The following SYTL3 variants were observed in gnomAD, a reference collection of about 807,000 sequenced individuals.
The protein encoded by SYTL3 is synaptotagmin-like protein 3.
SYTL3 carries 88 observed loss-of-function variants against 82.1 expected under a neutral mutation model. The ratio of observed to expected loss-of-function variants is 1.07; its 90% CI spans 0.90 to 1.28. The LOEUF is 1.28. Ranked by LOEUF, SYTL3 falls within the 50% of genes most tolerant of loss-of-function variation. The pLI, the probability that SYTL3 is intolerant of heterozygous loss-of-function variation, is 0.00. For missense variants in SYTL3, 831 were observed against 757.6 expected, an observed-to-expected ratio of 1.10 and a Z score of -1.14; for synonymous variants, 311 against 289.4, an observed-to-expected ratio of 1.07 and a Z score of -0.76.
At chr6:158,731,847 C>T (rs1203640462) in intron 11 of SYTL3, among the ~76,000 whole-genome samples, 1 of 152,214 alleles carries the variant, frequency 6.6e-6, no homozygotes, top group Non-Finnish European at 1.5e-5. Flanking sequence ...CCCACCTTGG[C>T]CTTCCAAAGT....
At chr6:158,671,189 G>T (rs1777344508) in intron 5 of SYTL3, among the ~76,000 whole-genome samples, 1 of 152,128 alleles carries the variant, frequency 6.6e-6, no homozygotes, top group South Asian at 2.1e-4. Flanking sequence ...TTTACTAAAG[G>T]GAATGCTTTG....
chr6:158,661,715 G>A (rs926604675), intron 3 of SYTL3, among the ~76,000 whole-genome samples: 3 of 152,108 alleles, frequency 2.0e-5, no homozygotes, highest in African/African-American at 7.2e-5. Flanking sequence ...TATGGATATA[G>A]GCAAGAAACC....
chr6:158,678,762 A>G (rs929662762), intron 5 of SYTL3, among the ~76,000 whole-genome samples: 2 of 152,186 alleles, frequency 1.3e-5, no homozygotes, highest in African/African-American at 4.8e-5. Flanking sequence ...TCCTGATTCT[A>G]TAGCTTCGGC....
At chr6:158,707,080 G>A in intron 6 of SYTL3, 150 bp from the exon 7 acceptor site, 2 of 784,392 alleles carry the variant, frequency 2.5e-6, no homozygotes, top group Non-Finnish European at 4.1e-6. Flanking sequence ...CTCTAATTTT[G>A]GAACATTTCT....
chr6:158,692,726 A>AG (rs1780036687), intron 6 of SYTL3, among the ~76,000 whole-genome samples: 1 of 151,474 alleles, frequency 6.6e-6, no homozygotes, highest in Non-Finnish European at 1.5e-5. Context: ...TCACGAGATC[A>AG]GGAGATGGAG....
chr6:158,677,367 T>G (rs1257833624), intron 5 of SYTL3, among the ~76,000 whole-genome samples: 1 of 151,810 alleles, frequency 6.6e-6, no homozygotes, highest in Non-Finnish European at 1.5e-5. Context: ...TGAGAACACA[T>G]GGACACAGGA....
chr6:158,656,495 G>A (rs979385310), intron 2 of SYTL3, among the ~76,000 whole-genome samples: 5 of 152,186 alleles, frequency 3.3e-5, no homozygotes, highest in African/African-American at 4.8e-5. Context: ...GGAGGCTGAG[G>A]CGGGCAGATC....
rs1008427194 is a variant in SYTL3 at position 158,659,602 on chromosome 6, G to T, written c.-636-1667G>T. ...ACTCCTGACCTCAGTTGATCCGCCC[G>T]CCTCGGCCTCCCAGAGTGCTGGGAT... On this transcript the variant is annotated intron_variant, in intron 2 of 17. Transcript: ENST00000611299. Among the ~76,000 whole-genome samples, 3 of 152,138 alleles carry T rather than the reference G, an allele frequency of 2.0e-5. No individual in the cohort carries two copies. In the East Asian group the frequency reaches 5.8e-4, roughly 29 times the overall value.
intron 11 of SYTL3, among the ~76,000 whole-genome samples, chr6:158,728,308 T>C (rs1784978691): frequency 6.6e-6 from 1 of 151,492 alleles, no homozygotes; most frequent in Non-Finnish European, 1.5e-5. Flanking sequence ...TTTTTCCATA[T>C]GGATATTTAG....
intron 6 of SYTL3, among the ~76,000 whole-genome samples, chr6:158,701,719 A>G (rs1562394433): frequency 6.6e-6 from 1 of 151,926 alleles, no homozygotes; most frequent in Non-Finnish European, 1.5e-5. Flanking sequence ...CTGGGGCTGC[A>G]GTAACAGAGT....
intron 13 of SYTL3, 30 bp from the exon 14 acceptor site, chr6:158,757,181 C>T: frequency 1.3e-6 from 2 of 1,596,914 alleles, no homozygotes; most frequent in Non-Finnish European, 1.7e-6. Context: ...CCCGGGAGCC[C>T]AGCTGACCAT....
chr6:158,692,773 T>TAAAAAA (rs35173536), intron 6 of SYTL3, among the ~76,000 whole-genome samples: 1 of 121,694 alleles, frequency 8.2e-6, no homozygotes, highest in African/African-American at 2.9e-5. Flanking sequence ...CCGTCTCTAC[T>TAAAAAA]AAAAAAAAAA....
chr6:158,725,326 C>CGT (rs138428767), intron 10 of SYTL3, among the ~76,000 whole-genome samples, 177 bp from the exon 11 acceptor site: 3,256 of 150,628 alleles, frequency 0.022, 109 homozygotes, highest in African/African-American at 0.074. Context: ...TGTGTGTGTG[C>CGT]GTGTGTGTGT....
upstream of SYTL3, among the ~76,000 whole-genome samples, chr6:158,647,306 A>T (rs1787541662): frequency 6.6e-6 from 1 of 152,240 alleles, no homozygotes; most frequent in Non-Finnish European, 1.5e-5. Context: ...ACATTTGTTA[A>T]ATGATCGCGA....
At chr6:158,665,153 A>G (rs1249929120) in intron 4 of SYTL3, among the ~76,000 whole-genome samples, 1 of 152,206 alleles carries the variant, frequency 6.6e-6, no homozygotes, top group Non-Finnish European at 1.5e-5. Context: ...TTTGCCATTT[A>G]GTCCTCACAG....
intron 9 of SYTL3, 141 bp downstream of exon 9, chr6:158,714,019 C>G (rs1562411964): frequency 3.0e-6 from 2 of 662,032 alleles, no homozygotes; most frequent in Non-Finnish European, 5.4e-6. Flanking sequence ...AAAGCCACAG[C>G]ACCTGGCCCT....
chr6:158,763,223 C>T, intron 16 of SYTL3, 81 bp from the exon 17 acceptor site: 2 of 1,359,618 alleles, frequency 1.5e-6, no homozygotes, highest in Non-Finnish European at 2.1e-6. Context: ...CTTAGTGCTT[C>T]CCGTCTGCAC....
At chr6:158,754,516 C>T (rs1220122573) in intron 13 of SYTL3, among the ~76,000 whole-genome samples, 3 of 152,110 alleles carry the variant, frequency 2.0e-5, no homozygotes, top group African/African-American at 4.8e-5. Flanking sequence ...GTCAGGAGAT[C>T]GAGACCATCT....
At chr6:158,762,732 CATG>C (rs1383673432) in intron 16 of SYTL3, among the ~76,000 whole-genome samples, 1 of 152,116 alleles carries the variant, frequency 6.6e-6, no homozygotes, top group Non-Finnish European at 1.5e-5. Context: ...GCCTGGCCAA[CATG>C]ATGAAACCCC....
Sources: gnomAD v4.1 joint callset for allele counts (sites outside exome capture counted in the v4.1 genomes callset) on GRCh38, gnomAD v4.1.1 for gene constraint, MANE v1.5 for transcripts, NCBI Gene and HGNC (gene_info 2026-07-23, HGNC 2026-07-21) for gene names.